Variants in STAG1 observed in about 807,000 individuals in gnomAD.
STAG1 encodes the protein STAG1 cohesin complex component, also known as cohesin subunit SA-1.
Under a neutral mutation model 170.9 loss-of-function variants are expected in STAG1, and 26 were observed. The observed-to-expected ratio is 0.15, with a 90% CI of 0.11 to 0.21. The LOEUF (loss-of-function observed/expected upper bound fraction) is 0.21, where lower values mean the gene tolerates loss of function less well. Ranked by LOEUF, STAG1 falls within the 10% of genes least tolerant of loss-of-function variation. STAG1 has a pLI of 1.00. For synonymous variants in STAG1, 514 were observed against 497.7 expected (o/e 1.03, Z -0.44); for missense variants, 964 against 1,509.5 (o/e 0.64, Z 5.99).
chr3:136,347,395 C>CA (rs34533734), intron 29 of STAG1, among the ~76,000 whole-genome samples: 1,976 of 78,388 alleles, frequency 0.025, 72 homozygotes, highest in African/African-American at 0.06. Flanking sequence ...GATCCTGTCT[C>CA]AAAAAAAAAA....
At chr3:136,379,142 T>C (rs950254557) in intron 22 of STAG1, among the ~76,000 whole-genome samples, 3 of 152,168 alleles carry the variant, frequency 2.0e-5, no homozygotes, top group Admixed American at 2.0e-4. Context: ...TGCAGATAAA[T>C]ATCTAATAAC....
At chr3:136,704,815 C>T (rs1159757522) in intron 1 of STAG1, among the ~76,000 whole-genome samples, 1 of 119,428 alleles carries the variant, frequency 8.4e-6, no homozygotes, top group Non-Finnish European at 1.7e-5. Flanking sequence ...GAGTGAGTCC[C>T]TGTCTCAAAA....
At chr3:136,591,284 C>T (rs1160903136) in intron 4 of STAG1, among the ~76,000 whole-genome samples, 4 of 91,472 alleles carry the variant, frequency 4.4e-5, no homozygotes, top group Non-Finnish European at 8.5e-5. Context: ...GGAGGGAAGG[C>T]GGGAAGGTGG....
At chr3:136,708,116 C>T (rs1029947265) in intron 1 of STAG1, among the ~76,000 whole-genome samples, 1 of 152,102 alleles carries the variant, frequency 6.6e-6, no homozygotes, top group African/African-American at 2.4e-5. Flanking sequence ...AACAGAATTA[C>T]CACATGATCC....
At chr3:136,376,239 G>A (rs1937606756) in intron 23 of STAG1, among the ~76,000 whole-genome samples, 3 of 151,866 alleles carry the variant, frequency 2.0e-5, no homozygotes, top group African/African-American at 4.8e-5. Context: ...TTCACCAAAC[G>A]ACTCTAGCCC....
At chr3:136,563,393 T>C (rs1203291455) in intron 5 of STAG1, among the ~76,000 whole-genome samples, 1 of 152,094 alleles carries the variant, frequency 6.6e-6, no homozygotes, top group African/African-American at 2.4e-5. Context: ...GTTGATTTTG[T>C]TTTCTTGGGG....
At chr3:136,607,846 C>G (rs541084781) in intron 3 of STAG1, among the ~76,000 whole-genome samples, 98 of 152,230 alleles carry the variant, frequency 6.4e-4, no homozygotes, top group Non-Finnish European at 1.3e-3. Flanking sequence ...TGGCTACTTA[C>G]TGGCACAAGA....
intron 3 of STAG1, among the ~76,000 whole-genome samples, chr3:136,615,108 G>A (rs1464275923): frequency 1.3e-5 from 2 of 151,926 alleles, no homozygotes; most frequent in African/African-American, 2.4e-5. Context: ...TGCAAGTTGG[G>A]ACTTCATGAA....
At chr3:136,611,439 G>A (rs779034486) in intron 3 of STAG1, among the ~76,000 whole-genome samples, 31 of 151,842 alleles carry the variant, frequency 2.0e-4, no homozygotes, top group Non-Finnish European at 3.8e-4. Context: ...GTAAGCCATC[G>A]TGCCTGGCCA....
rs145351867 is a variant in STAG1, at chr3:136,670,436, C to A, written c.-83-39455G>T. Among the ~76,000 whole-genome samples, 377 of 152,058 alleles carry A rather than the reference C, an allele frequency of 2.5e-3. 1 individual carries two copies. Among genetic ancestry groups the A allele is most frequent in the African/African-American group, 8.5e-3 (353 of 41,498 alleles). On this transcript the variant is annotated intron_variant, in intron 1 of 33. Transcript: ENST00000383202. ...TACAATCATTTTATAAGAAAAGAACCAAAAAAACTAGTATTTTTCATTTTG... is the reference window on the plus strand; with the variant it reads ...TACAATCATTTTATAAGAAAAGAACAAAAAAAACTAGTATTTTTCATTTTG...
intron 1 of STAG1, among the ~76,000 whole-genome samples, chr3:136,643,846 T>G (rs915961176): frequency 2.6e-5 from 4 of 152,206 alleles, no homozygotes; most frequent in African/African-American, 7.2e-5. Flanking sequence ...AGATGTTTGT[T>G]TACTTAATAT....
rs184380735 is a variant in STAG1, at chr3:136,614,363, C to A, written c.132+8783G>T. 4.2e-4 allele frequency among the ~76,000 whole-genome samples: 64 copies of A among 152,122 alleles called. 1 individual carries two copies. In the East Asian group the frequency reaches 0.012, roughly 27 times the overall value. On this transcript the variant is annotated intron_variant, in intron 3 of 33. Transcript: ENST00000383202. ...ACAGTACAAATGAAATATCTATGGT[C>A]CATAGGGTTATTAATACAGAAATTA...
At chr3:136,410,068 T>TAAAAA (rs766763989) in intron 21 of STAG1, among the ~76,000 whole-genome samples, 4 of 93,060 alleles carry the variant, frequency 4.3e-5, no homozygotes, top group Admixed American at 1.3e-4. Flanking sequence ...AGTCCTTGTC[T>TAAAAA]AAAAAAAAAA....
intron 1 of STAG1, among the ~76,000 whole-genome samples, chr3:136,649,318 A>G (rs1941133996): frequency 6.6e-6 from 1 of 151,948 alleles, no homozygotes; most frequent in African/African-American, 2.4e-5. Flanking sequence ...ATCTCTACTA[A>G]AAACATAAAA....
intron 13 of STAG1, among the ~76,000 whole-genome samples, chr3:136,457,992 G>A (rs937175896): frequency 6.6e-6 from 1 of 152,122 alleles, no homozygotes; most frequent in African/African-American, 2.4e-5. Flanking sequence ...AACAATTGCT[G>A]AGATAAGCAA....
chr3:136,368,615 T>C (rs1937170823), intron 24 of STAG1, among the ~76,000 whole-genome samples: 1 of 152,166 alleles, frequency 6.6e-6, no homozygotes, highest in Admixed American at 6.6e-5. Context: ...CCATAGTTTG[T>C]AATAGTTGAA....
intron 6 of STAG1, among the ~76,000 whole-genome samples, chr3:136,523,313 C>T (rs200178866): frequency 4.6e-5 from 7 of 152,092 alleles, no homozygotes; most frequent in South Asian, 2.1e-4. Flanking sequence ...ATTTCTCTGA[C>T]GGCCAGAGAT....
chr3:136,409,350 A>AT (rs112764404), intron 21 of STAG1, among the ~76,000 whole-genome samples: 2 of 150,914 alleles, frequency 1.3e-5, no homozygotes, highest in African/African-American at 2.4e-5. Context: ...AAATGTGACT[A>AT]TTTTTTTTTC....
chr3:136,456,251 C>T (rs2089108262), intron 13 of STAG1, among the ~76,000 whole-genome samples: 1 of 151,846 alleles, frequency 6.6e-6, no homozygotes, highest in Non-Finnish European at 1.5e-5. Context: ...TACATACACA[C>T]AAAAAATCCA....
Sources: gnomAD v4.1 joint callset for allele counts (sites outside exome capture counted in the v4.1 genomes callset) on GRCh38, gnomAD v4.1.1 for gene constraint, MANE v1.5 for transcripts, NCBI Gene and HGNC (gene_info 2026-07-23, HGNC 2026-07-21) for gene names.